Variants in RAPGEF2 observed in about 807,000 individuals in gnomAD.
RAPGEF2 encodes the protein PDZ domain containing guanine nucleotide exchange factor (GEF) 1.
In RAPGEF2, 54 loss-of-function variants were observed where a neutral mutation model predicts 186.7. That is an observed-to-expected ratio of 0.29 (90% CI 0.23 to 0.36). The LOEUF (loss-of-function observed/expected upper bound fraction) is 0.36, where lower values mean the gene tolerates loss of function less well. Among genes scored for constraint, RAPGEF2 ranks in the 10% least tolerant of loss-of-function variants. The pLI is 1.00. For missense variants in RAPGEF2, 1,532 were observed against 2,045.0 expected, an observed-to-expected ratio of 0.75 and a Z score of 4.84; for synonymous variants, 712 against 705.9, an observed-to-expected ratio of 1.01 and a Z score of -0.14.
chr4:159,137,860 A>G (rs1375723280), intron 1 of RAPGEF2, among the ~76,000 whole-genome samples: 3 of 152,316 alleles, frequency 2.0e-5, no homozygotes, highest in East Asian at 3.9e-4. Flanking sequence ...TTCTTTAAAA[A>G]CATTTCTTTA....
intron 1 of RAPGEF2, among the ~76,000 whole-genome samples, chr4:159,135,950 A>G (rs749723375): frequency 3.9e-5 from 6 of 152,210 alleles, no homozygotes; most frequent in Non-Finnish European, 8.8e-5. Context: ...TTGCCAAAAT[A>G]GTACAGAGAG....
intron 4 of RAPGEF2, among the ~76,000 whole-genome samples, chr4:159,236,221 TC>T (rs562311978): frequency 1.3e-5 from 2 of 152,240 alleles, no homozygotes; most frequent in Non-Finnish European, 2.9e-5. Context: ...TGAAAAAGTT[TC>T]ATCAGGCTGT....
intron 1 of RAPGEF2, among the ~76,000 whole-genome samples, chr4:159,139,263 A>G (rs749228883): frequency 7.2e-5 from 11 of 152,100 alleles, no homozygotes; most frequent in Non-Finnish European, 1.3e-4. Context: ...TGGAAGTGCA[A>G]TGAGGAAGCA....
chr4:159,229,867 A>G (rs1345890405), intron 4 of RAPGEF2, among the ~76,000 whole-genome samples: 2 of 152,182 alleles, frequency 1.3e-5, no homozygotes, highest in Non-Finnish European at 2.9e-5. Context: ...ATATGCTGCA[A>G]GTGGTCTTTT....
intron 16 of RAPGEF2, 135 bp from the exon 17 acceptor site, chr4:159,332,316 T>G: frequency 2.2e-6 from 2 of 928,780 alleles, no homozygotes; most frequent in Admixed American, 5.3e-5. Context: ...TGTGATACTG[T>G]TTTTCTGCAG....
rs555103380 is a variant in RAPGEF2, at chr4:159,226,866, G to A, written c.282-11943G>A. On this transcript the variant is annotated intron_variant, in intron 4 of 29. Coordinates refer to ENST00000691494, the MANE Select transcript of RAPGEF2 (RefSeq NM_001394067.2). ...TTACAGAACAAGTATGGGCTCATGAGAAAAGTCCACATTTAATTCAGATGA... is the reference window on the plus strand; with the variant it reads ...TTACAGAACAAGTATGGGCTCATGAAAAAAGTCCACATTTAATTCAGATGA... 3.5e-3 allele frequency among the ~76,000 whole-genome samples: 529 copies of A among 152,248 alleles called. 2 individuals carry two copies. The highest frequency in any genetic ancestry group is 0.012 in the African/African-American group (506 of 41,544).
intron 7 of RAPGEF2, among the ~76,000 whole-genome samples, chr4:159,286,077 C>G (rs570196787): frequency 6.5e-4 from 90 of 138,560 alleles, no homozygotes; most frequent in African/African-American, 2.4e-3. Context: ...ACCACCACCA[C>G]CACCAAATAC....
intron 7 of RAPGEF2, among the ~76,000 whole-genome samples, chr4:159,283,623 TAATG>T (rs1399950208): frequency 6.6e-6 from 1 of 152,302 alleles, no homozygotes; most frequent in East Asian, 1.9e-4. Context: ...GTCAGGTTAA[TAATG>T]GGCATCTGTA....
chr4:159,241,065 G>A (rs1423715805), intron 5 of RAPGEF2, 136 bp from the exon 6 acceptor site: 10 of 657,452 alleles, frequency 1.5e-5, no homozygotes, highest in Admixed American at 3.6e-5. Context: ...GACACTTGAA[G>A]TTTGTCTAGA....
intron 18 of RAPGEF2, 118 bp downstream of exon 18, chr4:159,338,586 G>T: frequency 9.3e-7 from 1 of 1,071,488 alleles, no homozygotes; most frequent in Non-Finnish European, 1.3e-6. Flanking sequence ...TGCTGAGTAA[G>T]GATGAAACTT....
rs200624687 is a variant in RAPGEF2, at chr4:159,342,526, CTTTTA to C, written c.2919-431_2919-427del. 5.0e-3 allele frequency among the ~76,000 whole-genome samples: 539 copies of C among 108,634 alleles called. 5 individuals are homozygous for C. The highest frequency in any genetic ancestry group is 8.1e-3 in the Non-Finnish European group (415 of 51,052). The allele number at this position is 108,634 out of a possible 152,430, so 71.3% of individuals were successfully genotyped here. Reference sequence around the variant, plus strand: ...AGTCATACTCTCATTACTATCATAGCTTTTATTTTATTTTATTTTATTTTATATTA... The same window carrying C: ...AGTCATACTCTCATTACTATCATAGCTTTTATTTTATTTTATTTTATATTA... On this transcript the variant is annotated intron_variant, in intron 20 of 29. Coordinates refer to ENST00000691494, the MANE Select transcript of RAPGEF2 (RefSeq NM_001394067.2).
At chr4:159,355,418 C>T (rs1411255544) in intron 28 of RAPGEF2, among the ~76,000 whole-genome samples, 3 of 152,134 alleles carry the variant, frequency 2.0e-5, no homozygotes, top group Non-Finnish European at 4.4e-5. Flanking sequence ...AGAAAGAGGG[C>T]AGATCCGGCA....
chr4:159,211,880 A>C (rs1750567108), intron 4 of RAPGEF2, among the ~76,000 whole-genome samples: 1 of 152,192 alleles, frequency 6.6e-6, no homozygotes, highest in Non-Finnish European at 1.5e-5. Context: ...TAGTCTTAGA[A>C]ATGATGCTAG....
chr4:159,142,368 T>A (rs1385411539), intron 1 of RAPGEF2, among the ~76,000 whole-genome samples: 1 of 152,152 alleles, frequency 6.6e-6, no homozygotes, highest in Non-Finnish European at 1.5e-5. Flanking sequence ...GAAAATAAAT[T>A]ATAAGATGAA....
At chr4:159,239,316 G>A (rs929212038) in intron 5 of RAPGEF2, among the ~76,000 whole-genome samples, 3 of 152,040 alleles carry the variant, frequency 2.0e-5, no homozygotes, top group Admixed American at 2.0e-4. Context: ...GTGAGCAATC[G>A]TGAGGAATAA....
chr4:159,304,482 A>G lies in RAPGEF2; in HGVS notation c.675+9A>G. ...TTTCTGATATCTACCAGGTAAGAGG[A>G]TGTTTTCCTTGTCATTTGCTTCATT... On this transcript the variant is annotated intron_variant, in intron 8 of 29. Transcript: ENST00000691494. 2 of 1,593,024 alleles carry G rather than the reference A, an allele frequency of 1.3e-6. No individual in the cohort carries two copies. Among genetic ancestry groups the G allele is most frequent in the Non-Finnish European group, 1.7e-6 (2 of 1,165,206 alleles).
Position 159,323,231 on chromosome 4 carries a change from A to G in RAPGEF2, c.991-228A>G, listed in dbSNP as rs546802838. Among the ~76,000 whole-genome samples the G allele has an allele frequency of 2.6e-4, 40 of 152,316 alleles. No individual in the cohort carries two copies. The South Asian group carries it at 7.9e-3, about 30-fold the overall frequency. On this transcript the variant is annotated intron_variant, in intron 10 of 29. Coordinates refer to ENST00000691494, the MANE Select transcript of RAPGEF2 (RefSeq NM_001394067.2). ...TTTAGAGAAGAATATCCAAAGTCAA[A>G]TTAAAAGGGCATTATGATATACATT...
At chr4:159,229,142 T>C (rs1296292139) in intron 4 of RAPGEF2, among the ~76,000 whole-genome samples, 1 of 152,234 alleles carries the variant, frequency 6.6e-6, no homozygotes, top group African/African-American at 2.4e-5. Flanking sequence ...GTGAAAAAAT[T>C]GATGTATTGG....
At chr4:159,210,324 A>C (rs1318357861) in intron 3 of RAPGEF2, among the ~76,000 whole-genome samples, 176 bp from the exon 4 acceptor site, 3 of 152,242 alleles carry the variant, frequency 2.0e-5, no homozygotes, top group South Asian at 4.1e-4. Context: ...CAGGGATACA[A>C]AGTAATTTGT....
Sources: gnomAD v4.1 joint callset for allele counts (sites outside exome capture counted in the v4.1 genomes callset) on GRCh38, gnomAD v4.1.1 for gene constraint, MANE v1.5 for transcripts, NCBI Gene and HGNC (gene_info 2026-07-23, HGNC 2026-07-21) for gene names.